The following BIRC6 variants were observed in gnomAD, a reference collection of about 807,000 sequenced individuals.
The protein encoded by BIRC6 is dual E2 ubiquitin-conjugating enzyme/E3 ubiquitin-protein ligase BIRC6.
In BIRC6, 98 loss-of-function variants were observed where a neutral mutation model predicts 503.3. The ratio of observed to expected loss-of-function variants is 0.19; its 90% confidence interval spans 0.17 to 0.23. The LOEUF is 0.23. BIRC6 is among the 10% of genes least tolerant of loss of function. The pLI is 1.00. For synonymous variants in BIRC6, 2,240 were observed against 2,078.7 expected, an observed-to-expected ratio of 1.08 and a Z score of -2.11; for missense variants, 5,360 against 5,806.0, an observed-to-expected ratio of 0.92 and a Z score of 2.50.
In BIRC6 at chr2:32,431,368, G is replaced by A. The variant is rs575062733; in HGVS notation, c.3248+278G>A. ...GCATCACCACGTCCGGCTAATTTTTGTATTTTAGGTAGAGATGGGGTTTCA... is the reference window on the plus strand; with the variant it reads ...GCATCACCACGTCCGGCTAATTTTTATATTTTAGGTAGAGATGGGGTTTCA... On this transcript the variant is annotated intron_variant, in intron 12 of 73. Coordinates refer to ENST00000421745, the MANE Select transcript of BIRC6 (RefSeq NM_016252.4). Among the ~76,000 whole-genome samples, 39 of 151,490 alleles carry A rather than the reference G, an allele frequency of 2.6e-4. No homozygotes were observed. In the South Asian group the frequency reaches 7.9e-3, roughly 31 times the overall value.
intron 9 of BIRC6, among the ~76,000 whole-genome samples, chr2:32,412,046 A>G (rs867451606): frequency 6.6e-6 from 1 of 152,150 alleles, no homozygotes; most frequent in African/African-American, 2.4e-5. Flanking sequence ...CAGCCTCCCA[A>G]ATAGCTGGGA....
chr2:32,380,255 T>A lies in BIRC6; in HGVS notation c.610T>A (p.Ser204Thr). ...TQLKDGLKNT[S>T]HETAANHKVA... is the part of the protein sequence containing the mutation. Reference sequence around the variant, plus strand: ...GCTCAAAGATGGTTTAAAAAATACATCTCATGAGACTGCAGCAAACCACAA... The same window carrying A: ...GCTCAAAGATGGTTTAAAAAATACAACTCATGAGACTGCAGCAAACCACAA... The change falls in exon 3 of 74, where the codon TCT (serine) becomes ACT (threonine). Residue 204 changes from serine to threonine, a missense_variant. Coordinates refer to ENST00000421745, the MANE Select transcript of BIRC6 (RefSeq NM_016252.4). 3.7e-6 allele frequency: 6 copies of A among 1,609,040 alleles called. No homozygotes were observed. Among genetic ancestry groups the A allele is most frequent in the Non-Finnish European group, 5.1e-6 (6 of 1,178,710 alleles).
rs1341765454 is a variant in BIRC6 at position 32,513,171 on chromosome 2, A to G, written c.10568+17A>G. On this transcript the variant is annotated intron_variant, in intron 54 of 73. Transcript: ENST00000421745. Reference sequence around the variant, plus strand: ...GCTCTTTGAGTAAGTATGATTTGTGAAATCTTTTTTATCCCCCAGTACTAG... The same window carrying G: ...GCTCTTTGAGTAAGTATGATTTGTGGAATCTTTTTTATCCCCCAGTACTAG... 10 of 1,596,858 alleles carry G rather than the reference A, an allele frequency of 6.3e-6. No homozygotes were observed. The African/African-American group carries it at 1.2e-4, about 19-fold the overall frequency.
At chr2:32,533,281 G>A (rs566708225) in intron 61 of BIRC6, among the ~76,000 whole-genome samples, 1 of 152,314 alleles carries the variant, frequency 6.6e-6, no homozygotes, top group African/African-American at 2.4e-5. Context: ...CAGCACTTCT[G>A]CTGTAATGAA....
At chr2:32,395,887 T>C (rs1264229470) in intron 6 of BIRC6, among the ~76,000 whole-genome samples, 1 of 152,150 alleles carries the variant, frequency 6.6e-6, no homozygotes, top group Non-Finnish European at 1.5e-5. Context: ...GCTTCAGCAG[T>C]TGAATCTTGG....
chr2:32,515,898 G>T (rs1024253450), intron 55 of BIRC6, 128 bp downstream of exon 55: 2 of 831,030 alleles, frequency 2.4e-6, no homozygotes, highest in East Asian at 5.3e-5. Flanking sequence ...AAGCTATAAA[G>T]TACTGATATC....
rs771829885 is a variant in BIRC6, at chr2:32,611,519, C to T, written c.14331C>T (p.Ile4777=). The T allele has an allele frequency of 6.2e-7, 1 of 1,610,348 alleles. No individual in the cohort carries two copies. The highest frequency in any genetic ancestry group is 1.3e-5 in the African/African-American group (1 of 74,892). ...MAQCEEWIAD[I]QQYSSDKRVG... is the part of the protein sequence containing the mutation. ...AATGTGAGGAGTGGATTGCGGATAT[C>T]CAGCAGTACAGCAGTGATAAGCGGG... Residue 4777 remains isoleucine, a synonymous_variant, in exon 73 of 74, where the codon ATC becomes ATT. Coordinates refer to ENST00000421745, the MANE Select transcript of BIRC6 (RefSeq NM_016252.4).
At chr2:32,546,618 TAA>T (rs1319025638) in intron 63 of BIRC6, among the ~76,000 whole-genome samples, 1 of 151,702 alleles carries the variant, frequency 6.6e-6, no homozygotes, top group Non-Finnish European at 1.5e-5. Flanking sequence ...ATTAATGGCA[TAA>T]GTGAGTTTAT....
chr2:32,506,349 C>T (rs1443779924), intron 50 of BIRC6, among the ~76,000 whole-genome samples: 1 of 152,092 alleles, frequency 6.6e-6, no homozygotes, highest in Non-Finnish European at 1.5e-5. Context: ...TATGTGTTTG[C>T]AAGATTAGAC....
In BIRC6 at chr2:32,416,131, C is replaced by T; in HGVS notation, c.2840C>T (p.Ser947Phe). 1 of 1,610,634 alleles carries T rather than the reference C, an allele frequency of 6.2e-7. No individual in the cohort carries two copies. Among genetic ancestry groups the T allele is most frequent in the South Asian group, 1.1e-5 (1 of 90,580 alleles). The change falls in exon 10 of 74, where the codon TCT becomes TTT. Residue 947 changes from serine to phenylalanine, a missense_variant. Around this residue, in one of 16 missense-constraint regions of BIRC6, gnomAD observed 700 missense variants for 739.3 expected, o/e 0.95. Coordinates refer to ENST00000421745, the MANE Select transcript of BIRC6 (RefSeq NM_016252.4). Reference sequence around the variant, plus strand: ...ACATTTGTTTCTGTGATTTACTGTTCTGGCACAGACAGGCTGTGTGCATGC... The same window carrying T: ...ACATTTGTTTCTGTGATTTACTGTTTTGGCACAGACAGGCTGTGTGCATGC... ...QDTFVSVIYC[S>F]GTDRLCACTK...
intron 6 of BIRC6, among the ~76,000 whole-genome samples, chr2:32,399,365 C>T (rs889473747): frequency 2.6e-5 from 4 of 152,306 alleles, no homozygotes; most frequent in East Asian, 1.9e-4. Context: ...GGATTACAGG[C>T]GTGAGCCACC....
At chr2:32,443,648 AC>A in intron 20 of BIRC6, 60 bp downstream of exon 20, 1 of 1,240,372 alleles carries the variant, frequency 8.1e-7, no homozygotes, top group South Asian at 1.4e-5. Flanking sequence ...TCATATGTAT[AC>A]TTAGGATTAT....
At chr2:32,366,501 C>G (rs544729877) in intron 1 of BIRC6, among the ~76,000 whole-genome samples, 35 of 152,176 alleles carry the variant, frequency 2.3e-4, no homozygotes, top group Non-Finnish European at 4.1e-4. Flanking sequence ...ACTATACTTA[C>G]ATTGTTAAAC....
intron 45 of BIRC6, among the ~76,000 whole-genome samples, chr2:32,496,097 C>G (rs2052434002): frequency 6.6e-6 from 1 of 152,112 alleles, no homozygotes. Context: ...TGCCAAAGTG[C>G]TGGGATTACA....
chr2:32,396,164 A>T (rs2039856534), intron 6 of BIRC6, among the ~76,000 whole-genome samples: 1 of 152,178 alleles, frequency 6.6e-6, no homozygotes, highest in African/African-American at 2.4e-5. Context: ...TGAATACTTT[A>T]TGTATTTTTA....
intron 3 of BIRC6, among the ~76,000 whole-genome samples, chr2:32,383,778 C>G (rs554741815): frequency 6.6e-6 from 1 of 152,164 alleles, no homozygotes; most frequent in African/African-American, 2.4e-5. Flanking sequence ...GTGATCCAAC[C>G]GTCTTGGCCT....
In BIRC6 at chr2:32,549,157, T is replaced by C. The variant is rs2058266339; in HGVS notation, c.12976-156T>C. On this transcript the variant is annotated intron_variant, in intron 64 of 73. Transcript: ENST00000421745. The stretch of plus-strand genomic sequence containing the variant: ...TCAGACAAAACAGATCCTTCTCTTT[T>C]GAAAATTTAAACAAATAATTATTTT... 3 of 508,040 alleles carry C rather than the reference T, an allele frequency of 5.9e-6. No homozygotes were observed. In the African/African-American group the frequency reaches 5.9e-5, roughly 10 times the overall value. The allele number at this position is 508,040 out of a possible 1,614,324, so 31.5% of individuals were successfully genotyped here.
In BIRC6 at chr2:32,441,351, A is replaced by G; in HGVS notation, c.3833A>G (p.Asn1278Ser). ...AGKEKSSNVKNENTSGTRKSE... is the reference protein window; with the variant it reads ...AGKEKSSNVKSENTSGTRKSE... ...TAGGAAAAATCATCTAATGTTAAGA[A>G]TGAAAATACAAGTGGCACCCGTAAA... Residue 1278 changes from asparagine (N) to serine (S), a missense_variant, in exon 17 of 74, where the codon AAT becomes AGT. Transcript: ENST00000421745. 2 of 1,587,968 alleles carry G rather than the reference A, an allele frequency of 1.3e-6. No individual in the cohort carries two copies. The highest frequency in any genetic ancestry group is 1.7e-6 in the Non-Finnish European group (2 of 1,160,096).
At chr2:32,535,143 A>C (rs977674238) in intron 61 of BIRC6, among the ~76,000 whole-genome samples, 1 of 141,838 alleles carries the variant, frequency 7.1e-6, no homozygotes, top group Admixed American at 7.1e-5. Flanking sequence ...TCATACCCCC[A>C]AAAAAGCAAA....
Sources: allele counts gnomAD v4.1 joint callset (sites outside exome capture counted in the v4.1 genomes callset), GRCh38; gene constraint gnomAD v4.1.1; regional missense constraint gnomAD v4.1.1; transcripts MANE v1.5; gene names NCBI Gene and HGNC (gene_info 2026-07-23, HGNC 2026-07-21).